ONECUT2: variants seen among roughly 807,000 people sequenced by gnomAD.
ONECUT2 encodes one cut homeobox 2, also known as one cut domain family member 2.
ONECUT2 carries 10 observed loss-of-function variants against 27.9 expected under a neutral mutation model. The observed-to-expected ratio is 0.36, with a 90% confidence interval of 0.22 to 0.61. The LOEUF (loss-of-function observed/expected upper bound fraction) is 0.61, where lower values mean the gene tolerates loss of function less well. ONECUT2 is among the 20% of genes least tolerant of loss of function. ONECUT2 has a pLI of 0.73. For missense variants in ONECUT2, 686 were observed against 721.0 expected (o/e 0.95, Z 0.56); for synonymous variants, 334 against 315.1 (o/e 1.06, Z -0.64).
At chr18:57,473,765 A>T (rs2050367003) in intron 1 of ONECUT2, among the ~76,000 whole-genome samples, 1 of 152,210 alleles carries the variant, frequency 6.6e-6, no homozygotes, top group South Asian at 2.1e-4. Flanking sequence ...GTTTAGCAGC[A>T]CTGCTGTAGA....
Position 57,486,528 on chromosome 18 carries a change from T to G in ONECUT2, c.*9805T>G, listed in dbSNP as rs532346481. 1 of 152,666 alleles carries G rather than the reference T, an allele frequency of 6.6e-6. No homozygotes were observed. The highest frequency in any genetic ancestry group is 1.9e-4 in the East Asian group (1 of 5,178). The allele number at this position is 152,666 out of a possible 1,614,324, so 9.5% of individuals were successfully genotyped here. A position where few individuals can be genotyped will look rare whatever the true frequency, so the allele number is the denominator to read the frequency against. Reference sequence around the variant, plus strand: ...ACCGAATTTTCTCAGATATACCTCATAGACAATAGTGTTTAGAGTAATGTT... The same window carrying G: ...ACCGAATTTTCTCAGATATACCTCAGAGACAATAGTGTTTAGAGTAATGTT... On this transcript the variant is annotated 3_prime_UTR_variant, in exon 2 of 2. Transcript: ENST00000491143.
chr18:57,482,153 A>G lies in ONECUT2; in HGVS notation c.*5430A>G, dbSNP rs1598947916. On this transcript the variant is annotated 3_prime_UTR_variant, in exon 2 of 2. Transcript: ENST00000491143. Reference sequence around the variant, plus strand: ...GAAGAATGGCACCCCAGTTGGTTGTATAAGTCTCATAAGATAATGATGTTG... The same window carrying G: ...GAAGAATGGCACCCCAGTTGGTTGTGTAAGTCTCATAAGATAATGATGTTG... 6.6e-6 allele frequency: 1 copy of G among 152,200 alleles called. No homozygotes were observed. Among genetic ancestry groups the G allele is most frequent in the East Asian group, 1.9e-4 (1 of 5,198 alleles). The allele number at this position is 152,200 out of a possible 1,614,324, so 9.4% of individuals were successfully genotyped here.
In ONECUT2 at chr18:57,445,150, A is replaced by T. The variant is rs551071556; in HGVS notation, c.1228+8206A>T. ...TTGCTTCATTAAGATTGGTTCACTT[A>T]AAAGCAGTGATGTTGCCACAATTAT... On this transcript the variant is annotated intron_variant, in intron 1 of 1. Transcript: ENST00000491143. 2.0e-4 allele frequency among the ~76,000 whole-genome samples: 30 copies of T among 152,348 alleles called. No homozygotes were observed. The South Asian group carries it at 5.2e-3, about 26-fold the overall frequency.
intron 1 of ONECUT2, among the ~76,000 whole-genome samples, chr18:57,437,170 T>G (rs2144284224): frequency 6.6e-6 from 1 of 150,390 alleles, no homozygotes; most frequent in African/African-American, 2.5e-5. Flanking sequence ...ACTCTCTCCT[T>G]GTCCCTGAGC....
Position 57,455,794 on chromosome 18 carries a change from G to A in ONECUT2, c.1228+18850G>A, listed in dbSNP as rs548484210. On this transcript the variant is annotated intron_variant, in intron 1 of 1. Transcript: ENST00000491143. ...GAAACAGAGGGGAGGGACGTCTTAG[G>A]GAAAAGGAAGTAGGGGCAGGGGAGG... is the stretch of plus-strand genomic sequence containing the variant. Among the ~76,000 whole-genome samples, 18 of 150,978 alleles carry A rather than the reference G, an allele frequency of 1.2e-4. No individual in the cohort carries two copies. The South Asian group carries it at 3.3e-3, about 28-fold the overall frequency.
In ONECUT2 at chr18:57,483,181, T is replaced by C. The variant is rs630250; in HGVS notation, c.*6458T>C. Reference sequence around the variant, plus strand: ...AAAAATAATAAAGTCAAGCGCAAACTGATGGGGAGACAGTGGGCTCTGGTT... The same window carrying C: ...AAAAATAATAAAGTCAAGCGCAAACCGATGGGGAGACAGTGGGCTCTGGTT... On this transcript the variant is annotated 3_prime_UTR_variant, in exon 2 of 2. Coordinates refer to ENST00000491143, the MANE Select transcript of ONECUT2 (RefSeq NM_004852.3). 0.39 allele frequency: 58,937 copies of C among 151,182 alleles called. 11,937 individuals carry two copies. The highest frequency in any genetic ancestry group is 0.49 in the East Asian group (2,502 of 5,154). 9.4% of individuals were successfully genotyped at this position (151,182 alleles called of 1,614,324 possible).
intron 1 of ONECUT2, among the ~76,000 whole-genome samples, chr18:57,450,678 C>T (rs868454979): frequency 6.6e-6 from 1 of 152,076 alleles, no homozygotes; most frequent in Non-Finnish European, 1.5e-5. Flanking sequence ...GCAATTGTGC[C>T]AGCAATTATA....
At chr18:57,457,419 C>A (rs2050265644) in intron 1 of ONECUT2, among the ~76,000 whole-genome samples, 1 of 152,076 alleles carries the variant, frequency 6.6e-6, no homozygotes, top group Non-Finnish European at 1.5e-5. Context: ...CCTGCCCTTA[C>A]CCCAGGTTCT....
In ONECUT2 at chr18:57,436,943, AG is replaced by A; in HGVS notation, c.1228+1del. ...AGCGCATGTCCGCCTTACGCCTGGCAGGTAAGGCCGGGGCTAGCCAGGGGCC... is the reference window on the plus strand; with the variant it reads ...AGCGCATGTCCGCCTTACGCCTGGCAGTAAGGCCGGGGCTAGCCAGGGGCC... Reference protein sequence around the residue: ...FQRMSALRLAACKRKEQEPNK... With the variant: ...FQRMSALRLAXCKRKEQEPNK... On this transcript the variant is annotated frameshift_variant and splice_region_variant, in exon 1 of 2. Transcript: ENST00000491143. LOFTEE classifies it high-confidence loss of function. This position sits in a 1 kb window ranked among gnomAD's most constrained non-coding sequence, Gnocchi z 5.9. The A allele has an allele frequency of 6.3e-7, 1 of 1,592,132 alleles. No homozygotes were observed. Among genetic ancestry groups the A allele is most frequent in the Non-Finnish European group, 8.5e-7 (1 of 1,169,614 alleles).
chr18:57,456,123 G>C (rs535783367), intron 1 of ONECUT2, among the ~76,000 whole-genome samples: 1 of 152,336 alleles, frequency 6.6e-6, no homozygotes, highest in East Asian at 1.9e-4. Context: ...TTGGAACCTT[G>C]TGTGCTGTTG....
chr18:57,438,645 C>T (rs1355712731), intron 1 of ONECUT2, among the ~76,000 whole-genome samples: 1 of 152,200 alleles, frequency 6.6e-6, no homozygotes, highest in Non-Finnish European at 1.5e-5. Flanking sequence ...TCGGTAATCG[C>T]CCCGCAGTGT....
intron 1 of ONECUT2, among the ~76,000 whole-genome samples, chr18:57,466,241 C>T (rs1408445978): frequency 4.6e-5 from 7 of 152,212 alleles, no homozygotes; most frequent in Admixed American, 1.3e-4. Flanking sequence ...AATTTCTCAA[C>T]AGTTGGAGGA....
chr18:57,447,390 G>T (rs760212707), intron 1 of ONECUT2, among the ~76,000 whole-genome samples: 2 of 152,248 alleles, frequency 1.3e-5, no homozygotes, highest in African/African-American at 2.4e-5. Flanking sequence ...CAGCTCTGTA[G>T]GTCTCAGCGC....
intron 1 of ONECUT2, among the ~76,000 whole-genome samples, chr18:57,466,893 T>A (rs917654742): frequency 1.3e-5 from 2 of 152,230 alleles, no homozygotes; most frequent in Admixed American, 6.5e-5. Flanking sequence ...GAGCCTCTGC[T>A]GGAGAGAAGC....
chr18:57,435,676 G>GCCC lies in ONECUT2; in HGVS notation c.-38_-36dup. On this transcript the variant is annotated 5_prime_UTR_variant, in exon 1 of 2. Coordinates refer to ENST00000491143, the MANE Select transcript of ONECUT2 (RefSeq NM_004852.3). ...CGCGCGCCTTGCCCGCCCGCCGGCCGCCCCCGCCGCCCCCGCCGCCCCCGG... is the reference window on the plus strand; with the variant it reads ...CGCGCGCCTTGCCCGCCCGCCGGCCGCCCCCCCCGCCGCCCCCGCCGCCCCCGG... 9.1e-6 allele frequency: 6 copies of GCCC among 659,580 alleles called. No homozygotes were observed. Among genetic ancestry groups the GCCC allele is most frequent in the Non-Finnish European group, 1.2e-5 (6 of 515,104 alleles). The allele number at this position is 659,580 out of a possible 1,614,324, so 40.9% of individuals were successfully genotyped here. A position where few individuals can be genotyped will look rare whatever the true frequency, so the allele number is the denominator to read the frequency against.
chr18:57,470,319 G>T (rs541172331), intron 1 of ONECUT2, among the ~76,000 whole-genome samples: 2 of 152,240 alleles, frequency 1.3e-5, no homozygotes, highest in South Asian at 4.1e-4. Flanking sequence ...TTACTTCACA[G>T]GCTTCCCAGA....
chr18:57,437,193 A>ACC (rs35937482), intron 1 of ONECUT2, among the ~76,000 whole-genome samples: 20,057 of 145,368 alleles, frequency 0.14, 1,524 homozygotes, highest in South Asian at 0.29. Context: ...TCATTGACCG[A>ACC]CCCCCCCCCA....
chr18:57,437,013 A>C (rs1165397568), intron 1 of ONECUT2, 69 bp downstream of exon 1: 28 of 1,495,456 alleles, frequency 1.9e-5, no homozygotes, highest in Non-Finnish European at 2.5e-5. Context: ...TTGTGGCCCA[A>C]GTCTGCGCGC....
intron 1 of ONECUT2, among the ~76,000 whole-genome samples, chr18:57,475,466 T>G (rs2050377115): frequency 6.6e-6 from 1 of 152,186 alleles, no homozygotes; most frequent in Non-Finnish European, 1.5e-5. Context: ...CTGTGAAGTG[T>G]ACAGATTCCC....
Sources: allele counts gnomAD v4.1 joint callset (sites outside exome capture counted in the v4.1 genomes callset), GRCh38; gene constraint gnomAD v4.1.1; non-coding constraint Gnocchi (gnomAD v3.1); transcripts MANE v1.5; gene names NCBI Gene and HGNC (gene_info 2026-07-23, HGNC 2026-07-21).